PSG4: variants seen among roughly 807,000 people sequenced by gnomAD.
PSG4 encodes the protein pregnancy specific beta-1-glycoprotein 4.
PSG4 carries 61 observed loss-of-function variants against 44.3 expected under a neutral mutation model. That is an observed-to-expected ratio of 1.38 (90% CI 1.12 to 1.70). The LOEUF is 1.70. PSG4 is among the 40% of genes most tolerant of loss of function. The probability of loss-of-function intolerance (pLI) is 0.00; values close to 1 mark genes in which losing one functional copy is unlikely to be tolerated. For synonymous variants in PSG4, 248 were observed against 191.3 expected, an observed-to-expected ratio of 1.30 and a Z score of -2.45; for missense variants, 677 against 511.7, an observed-to-expected ratio of 1.32 and a Z score of -3.12.
intron 2 of PSG4, chr19:43,198,731 T>G (rs1967371280): frequency 5.7e-6 from 1 of 176,536 alleles, no homozygotes. Flanking sequence ...AACTTCCCAT[T>G]GTCCTTAAAC....
chr19:43,194,247 G>T, intron 5 of PSG4, 93 bp downstream of exon 5: 1 of 1,602,914 alleles, frequency 6.2e-7, no homozygotes, highest in Non-Finnish European at 8.5e-7. Context: ...ATGGGACACA[G>T]GCTGGGAATA....
Position 43,195,474 on chromosome 19 carries a change from G to A in PSG4, c.710-201C>T, listed in dbSNP as rs546857362. Among the ~76,000 whole-genome samples, 74 of 151,554 alleles carry A rather than the reference G, an allele frequency of 4.9e-4. 3 individuals are homozygous for A. Among genetic ancestry groups the A allele is most frequent in the South Asian group, 2.3e-3 (11 of 4,818 alleles). On this transcript the variant is annotated intron_variant, in intron 3 of 5. Transcript: ENST00000405312. ...GAGGCCACCTGCTCTGTTTTAGGGA[G>A]GCACAGACTTTCTCAAGTGTCAATT...
rs981423110 is a variant in PSG4, at chr19:43,199,719, C to CA, written c.431-1445dup. Among the ~76,000 whole-genome samples, 11 of 143,442 alleles carry CA rather than the reference C, an allele frequency of 7.7e-5. 1 individual carries two copies. Among genetic ancestry groups the CA allele is most frequent in the South Asian group, 4.4e-4 (2 of 4,560 alleles). 94.1% of individuals were successfully genotyped at this position (143,442 alleles called of 152,430 possible). A position where few individuals can be genotyped will look rare whatever the true frequency, so the allele number is the denominator to read the frequency against. On this transcript the variant is annotated intron_variant, in intron 2 of 5. Coordinates refer to ENST00000405312, the MANE Select transcript of PSG4 (RefSeq NM_002780.5). ...TCATGTTGTGTTCTGACTCTAGTAA[C>CA]AAAAAAAAATTTGGAGGAAACATTA...
At chr19:43,205,391 C>A in intron 1 of PSG4, 82 bp downstream of exon 1, 1 of 1,418,744 alleles carries the variant, frequency 7.0e-7, no homozygotes, top group Non-Finnish European at 9.5e-7. Context: ...TTTCATTTTT[C>A]AGAACCCCAT....
intron 2 of PSG4, among the ~76,000 whole-genome samples, chr19:43,200,527 C>T (rs1409284324): frequency 1.4e-5 from 2 of 145,202 alleles, no homozygotes; most frequent in Admixed American, 1.4e-4. Context: ...GTTCCTTCCT[C>T]AGCTGTGTGC....
At chr19:43,197,845 C>G (rs1416445279) in intron 3 of PSG4, 152 bp downstream of exon 3, 23 of 1,475,474 alleles carry the variant, frequency 1.6e-5, no homozygotes, top group Non-Finnish European at 2.1e-5. Context: ...TAGGCCTACT[C>G]TGGTTTGCCT....
At chr19:43,199,432 C>T (rs1251845957) in intron 2 of PSG4, among the ~76,000 whole-genome samples, 1 of 145,388 alleles carries the variant, frequency 6.9e-6, no homozygotes, top group African/African-American at 2.6e-5. Flanking sequence ...ATAAAGTGCT[C>T]CTTATGCAGA....
At chr19:43,201,133 A>T (rs768631111) in intron 2 of PSG4, among the ~76,000 whole-genome samples, 1 of 145,638 alleles carries the variant, frequency 6.9e-6, no homozygotes, top group African/African-American at 2.6e-5. Context: ...GCAAACTAGC[A>T]TGTCTGAGTC....
rs184985174 is a variant in PSG4, at chr19:43,205,037, G to A, written c.64+436C>T. 4.1e-5 allele frequency: 9 copies of A among 220,760 alleles called. 1 individual carries two copies. Among genetic ancestry groups the A allele is most frequent in the African/African-American group, 2.2e-4 (8 of 36,786 alleles). The allele number at this position is 220,760 out of a possible 1,614,324, so 13.7% of individuals were successfully genotyped here. A position where few individuals can be genotyped will look rare whatever the true frequency, so the allele number is the denominator to read the frequency against. ...TGTGACTTTCCTATTTTGACCCTCT[G>A]GTGTATTTTCCCCTATCCAGGCTCC... is the stretch of plus-strand genomic sequence containing the variant. On this transcript the variant is annotated intron_variant, in intron 1 of 5. Coordinates refer to ENST00000405312, the MANE Select transcript of PSG4 (RefSeq NM_002780.5).
At chr19:43,196,612 A>G (rs934212437) in intron 3 of PSG4, 1 of 151,448 alleles carries the variant, frequency 6.6e-6, no homozygotes, top group Non-Finnish European at 1.5e-5. Flanking sequence ...GTGATAAGCC[A>G]AAGATATTCT....
At position 43,194,632 on chromosome 19, in the gene PSG4, C is replaced by T. The variant is rs370782935; in HGVS notation, c.989-38G>A. The T allele has an allele frequency of 4.2e-5, 66 of 1,584,056 alleles. 1 individual carries two copies. The highest frequency in any genetic ancestry group is 3.4e-4 in the Middle Eastern group (2 of 5,856). On this transcript the variant is annotated intron_variant, in intron 4 of 5. Transcript: ENST00000405312. ...GAATAAAGCCATAGGTGATGTCATC[C>T]GAGGGAAGGGGATGTTCCTGGTCTC... is the stretch of plus-strand genomic sequence containing the variant.
chr19:43,196,044 G>A (rs986023273), intron 3 of PSG4, among the ~76,000 whole-genome samples: 3 of 151,432 alleles, frequency 2.0e-5, no homozygotes, highest in African/African-American at 4.9e-5. Context: ...CAGAGGGCAG[G>A]TGAGGACCAT....
intron 2 of PSG4, 138 bp from the exon 3 acceptor site, chr19:43,198,413 A>T (rs1967354885): frequency 7.2e-7 from 1 of 1,389,042 alleles, no homozygotes; most frequent in Admixed American, 2.4e-5. Context: ...TGTGTGTTAA[A>T]GACAGATGCA....
At position 43,197,905 on chromosome 19, in the gene PSG4, T is replaced by A. The variant is rs1377051136; in HGVS notation, c.709+92A>T. ...TGATGTCTAGGGGTAAAGGTCTCTG[T>A]ACTTGGACCTGAGAGGGACTGAGAG... On this transcript the variant is annotated intron_variant, in intron 3 of 5. Transcript: ENST00000405312. 85 of 1,575,468 alleles carry A rather than the reference T, an allele frequency of 5.4e-5. 8 individuals carry two copies. The highest frequency in any genetic ancestry group is 4.9e-4 in the South Asian group (44 of 89,100).
intron 2 of PSG4, chr19:43,203,385 C>T (rs1967608197): frequency 6.4e-6 from 1 of 155,986 alleles, no homozygotes; most frequent in Non-Finnish European, 1.4e-5. Context: ...ACACAGTCCT[C>T]TGACAGCTGG....
At position 43,203,982 on chromosome 19, in the gene PSG4, C is replaced by T. The variant is rs769413685; in HGVS notation, c.334G>A (p.Val112Ile). The T allele has an allele frequency of 3.1e-6, 5 of 1,587,982 alleles. 2 individuals are homozygous for T. The highest frequency in any genetic ancestry group is 3.4e-5 in the Admixed American group (2 of 58,414). The change falls in exon 2 of 6, where the codon GTC becomes ATC. Residue 112 changes from valine to isoleucine, a missense_variant. Coordinates refer to ENST00000405312, the MANE Select transcript of PSG4 (RefSeq NM_002780.5). ...YSNASLLIQNVTQEDAGSYTL... is the reference protein window; with the variant it reads ...YSNASLLIQNITQEDAGSYTL... ...TAGGATCCTGCATCCTCCTGCGTGA[C>T]ATTCTGGATCAGCAGGGATGCATTG...
chr19:43,198,065 G>A lies in PSG4; in HGVS notation c.641C>T (p.Pro214Leu). 1 of 1,587,728 alleles carries A rather than the reference G, an allele frequency of 6.3e-7. No individual in the cohort carries two copies. Among genetic ancestry groups the A allele is most frequent in the Non-Finnish European group, 8.5e-7 (1 of 1,171,924 alleles). ...TGGGTTCCGTATTTCACATTCATAG[G>A]GTCCTGCAATATACTTTGTGACACC... is the stretch of plus-strand genomic sequence containing the variant. ...IFGVTKYIAGPYECEIRNPVS... is the reference protein window; with the variant it reads ...IFGVTKYIAGLYECEIRNPVS... Residue 214 changes from proline (P) to leucine (L), a missense_variant, in exon 3 of 6, where the codon CCC (proline) becomes CTC (leucine). Pro to Leu is a moderately conservative substitution (Grantham distance 98). Transcript: ENST00000405312.
intron 5 of PSG4, 39 bp downstream of exon 5, chr19:43,194,301 C>T (rs761027328): frequency 6.2e-7 from 1 of 1,611,744 alleles, no homozygotes; most frequent in Non-Finnish European, 8.5e-7. Context: ...ATAGACTCCA[C>T]CTAAATCCCT....
At chr19:43,198,651 T>C (rs1967366873) in intron 2 of PSG4, 1 of 216,514 alleles carries the variant, frequency 4.6e-6, no homozygotes, top group South Asian at 9.8e-5. Flanking sequence ...GTTTCAGTCT[T>C]ACTTTGCCCC....
Sources: allele counts gnomAD v4.1 joint callset (sites outside exome capture counted in the v4.1 genomes callset), GRCh38; gene constraint gnomAD v4.1.1; transcripts MANE v1.5; gene names NCBI Gene and HGNC (gene_info 2026-07-23, HGNC 2026-07-21).